The following RCAN3 variants were observed in gnomAD, a reference collection of about 807,000 sequenced individuals.
The protein encoded by RCAN3 is regulator of calcineurin 3, also known as calcipressin-3.
Under a neutral mutation model 21.9 loss-of-function variants are expected in RCAN3, and 19 were observed. The observed-to-expected ratio is 0.87, with a 90% CI of 0.61 to 1.27. The LOEUF (loss-of-function observed/expected upper bound fraction) is 1.27. Ranked by LOEUF, RCAN3 falls within the 50% of genes most tolerant of loss-of-function variation. RCAN3 has a pLI of 0.00. For synonymous variants in RCAN3, 114 were observed against 112.3 expected (o/e 1.01, Z -0.09); for missense variants, 240 against 300.1 (o/e 0.80, Z 1.48).
chr1:24,514,392 A>G lies in RCAN3; in HGVS notation c.20A>G (p.Lys7Arg), dbSNP rs143770846. Residue 7 changes from lysine (K) to arginine (R), a missense_variant, in exon 2 of 5, where the codon AAA becomes AGA. Lys to Arg is a conservative substitution (Grantham distance 26, BLOSUM62 2). Transcript: ENST00000374395. MLRDTM[K>R]SWNDSQSDLC... ...GGGATAATGCTGAGGGACACTATGA[A>G]ATCTTGGAATGATAGCCAGTCAGAT... The G allele has an allele frequency of 1.8e-3, 2,868 of 1,613,714 alleles. 18 individuals are homozygous for G. The highest frequency in any genetic ancestry group is 0.014 in the East Asian group (632 of 44,846).
chr1:24,531,663 G>A (rs992730512), intron 3 of RCAN3, among the ~76,000 whole-genome samples: 14 of 152,148 alleles, frequency 9.2e-5, no homozygotes, highest in African/African-American at 2.9e-4. Context: ...GACTCTGCGT[G>A]GGTTACGCCC....
In RCAN3 at chr1:24,538,726, A is replaced by G. The variant is rs1182061200; in HGVS notation, c.*3449A>G. The G allele has an allele frequency of 6.6e-6, 1 of 152,004 alleles. No homozygotes were observed. Among genetic ancestry groups the G allele is most frequent in the Non-Finnish European group, 1.5e-5 (1 of 67,992 alleles). 9.4% of individuals were successfully genotyped at this position (152,004 alleles called of 1,614,324 possible). ...CACTGCGCCCGGCCTTAAATAAAATATTGTAGTCATTAATGGTGTGTTTGA... is the reference window on the plus strand; with the variant it reads ...CACTGCGCCCGGCCTTAAATAAAATGTTGTAGTCATTAATGGTGTGTTTGA... On this transcript the variant is annotated 3_prime_UTR_variant, in exon 5 of 5. Coordinates refer to ENST00000374395, the MANE Select transcript of RCAN3 (RefSeq NM_013441.4).
chr1:24,529,921 C>G (rs1023433565), intron 2 of RCAN3, among the ~76,000 whole-genome samples: 3 of 150,800 alleles, frequency 2.0e-5, no homozygotes, highest in African/African-American at 7.3e-5. Context: ...GCACGTGCCT[C>G]TACTCCCAGC....
chr1:24,533,684 C>T (rs191697387), intron 4 of RCAN3, among the ~76,000 whole-genome samples: 1 of 152,284 alleles, frequency 6.6e-6, no homozygotes, highest in Non-Finnish European at 1.5e-5. Context: ...CCTATAGTCC[C>T]AGCTACTTGG....
At position 24,537,325 on chromosome 1, in the gene RCAN3, C is replaced by T. The variant is rs890504288; in HGVS notation, c.*2048C>T. On this transcript the variant is annotated 3_prime_UTR_variant, in exon 5 of 5. Transcript: ENST00000374395. ...GAAAACTTTAAACCAAAATTAGAGACGAGTCATTTAAGCTTTTCTGAATGG... is the reference window on the plus strand; with the variant it reads ...GAAAACTTTAAACCAAAATTAGAGATGAGTCATTTAAGCTTTTCTGAATGG... The T allele has an allele frequency of 1.8e-4, 27 of 151,616 alleles. No homozygotes were observed. The highest frequency in any genetic ancestry group is 3.2e-4 in the Non-Finnish European group (22 of 67,950). 9.4% of individuals were successfully genotyped at this position (151,616 alleles called of 1,614,324 possible). A position where few individuals can be genotyped will look rare whatever the true frequency, so the allele number is the denominator to read the frequency against.
At chr1:24,528,929 T>C (rs892275058) in intron 2 of RCAN3, among the ~76,000 whole-genome samples, 9 of 152,188 alleles carry the variant, frequency 5.9e-5, no homozygotes, top group African/African-American at 2.2e-4. Flanking sequence ...TGAAATTTGA[T>C]GACACTGAAC....
At chr1:24,521,904 G>C (rs1648850065) in intron 2 of RCAN3, among the ~76,000 whole-genome samples, 2 of 108,672 alleles carry the variant, frequency 1.8e-5, no homozygotes, top group Admixed American at 8.2e-5. Context: ...ATTGGTTGCT[G>C]GGGGGGGTGG....
intron 2 of RCAN3, among the ~76,000 whole-genome samples, chr1:24,520,284 G>T (rs1440675301): frequency 2.0e-5 from 3 of 152,124 alleles, no homozygotes; most frequent in Non-Finnish European, 4.4e-5. Context: ...TAGCTTTGAG[G>T]CTCAATTAAA....
intron 1 of RCAN3, among the ~76,000 whole-genome samples, chr1:24,504,522 G>T (rs962272210): frequency 2.0e-5 from 3 of 152,196 alleles, no homozygotes; most frequent in African/African-American, 7.2e-5. Flanking sequence ...TAGGAAACAA[G>T]ATTTTTCCTG....
chr1:24,509,391 C>A (rs577847264), intron 1 of RCAN3, among the ~76,000 whole-genome samples: 1 of 152,314 alleles, frequency 6.6e-6, no homozygotes, highest in African/African-American at 2.4e-5. Context: ...TGCAGCCAAT[C>A]CTCTAAACCC....
chr1:24,516,554 A>ATC (rs1648336425), intron 2 of RCAN3, among the ~76,000 whole-genome samples: 1 of 152,142 alleles, frequency 6.6e-6, no homozygotes, highest in African/African-American at 2.4e-5. Flanking sequence ...CATAGCTGAT[A>ATC]TTTGGCCAGA....
intron 2 of RCAN3, among the ~76,000 whole-genome samples, chr1:24,524,443 A>T: frequency 6.6e-6 from 1 of 152,232 alleles, no homozygotes; most frequent in East Asian, 1.9e-4. Context: ...CCCCTCTAGC[A>T]CTTTTGACTG....
intron 2 of RCAN3, among the ~76,000 whole-genome samples, chr1:24,516,130 G>A (rs756011869): frequency 1.3e-5 from 2 of 151,738 alleles, no homozygotes; most frequent in Non-Finnish European, 2.9e-5. Context: ...GCAACAGAGC[G>A]AGACTCAGTC....
rs564518700 is a variant in RCAN3, at chr1:24,539,412, A to G, written c.*4135A>G. The G allele has an allele frequency of 6.6e-6, 1 of 152,320 alleles. No individual in the cohort carries two copies. Among genetic ancestry groups the G allele is most frequent in the African/African-American group, 2.4e-5 (1 of 41,566 alleles). 9.4% of individuals were successfully genotyped at this position (152,320 alleles called of 1,614,324 possible). A position where few individuals can be genotyped will look rare whatever the true frequency, so the allele number is the denominator to read the frequency against. On this transcript the variant is annotated 3_prime_UTR_variant, in exon 5 of 5. Coordinates refer to ENST00000374395, the MANE Select transcript of RCAN3 (RefSeq NM_013441.4). ...CATTGGGGCTGGAATCTGCCTAAAT[A>G]ATTTTATCTTGGTAGCCAGCAATTA... is the stretch of plus-strand genomic sequence containing the variant.
chr1:24,506,157 A>G (rs1157820220), intron 1 of RCAN3, among the ~76,000 whole-genome samples: 2 of 152,118 alleles, frequency 1.3e-5, no homozygotes, highest in Non-Finnish European at 2.9e-5. Flanking sequence ...GCCAGTCAAG[A>G]GTTCCCTGGA....
At chr1:24,511,314 GAAACAAAACA>G (rs993834476) in intron 1 of RCAN3, among the ~76,000 whole-genome samples, 1 of 152,016 alleles carries the variant, frequency 6.6e-6, no homozygotes, top group South Asian at 2.1e-4. Context: ...CTCCGTCTCA[GAAACAAAACA>G]AAACAAAACA....
chr1:24,509,041 G>A (rs2148892183), intron 1 of RCAN3, among the ~76,000 whole-genome samples: 1 of 152,224 alleles, frequency 6.6e-6, no homozygotes, highest in East Asian at 1.9e-4. Flanking sequence ...TGTGCTTGTA[G>A]TTCCAGCTAC....
intron 1 of RCAN3, among the ~76,000 whole-genome samples, chr1:24,513,713 A>G (rs1384273960): frequency 2.6e-5 from 4 of 152,130 alleles, no homozygotes; most frequent in Non-Finnish European, 5.9e-5. Context: ...CCTCTTTTTG[A>G]TTTTCTGTGT....
In RCAN3 at chr1:24,517,947, A is replaced by G. The variant is rs562713377; in HGVS notation, c.195+3380A>G. On this transcript the variant is annotated intron_variant, in intron 2 of 4. Transcript: ENST00000374395. Reference sequence around the variant, plus strand: ...AATCAGCTGTTTATTCAGGTTATCTATGAATGTGCAAAAAATAAAACAGTT... The same window carrying G: ...AATCAGCTGTTTATTCAGGTTATCTGTGAATGTGCAAAAAATAAAACAGTT... Among the ~76,000 whole-genome samples, 141 of 152,336 alleles carry G rather than the reference A, an allele frequency of 9.3e-4. 1 individual carries two copies. Among genetic ancestry groups the G allele is most frequent in the Middle Eastern group, 6.8e-3 (2 of 294 alleles).
Sources: allele counts gnomAD v4.1 joint callset (sites outside exome capture counted in the v4.1 genomes callset), GRCh38; gene constraint gnomAD v4.1.1; transcripts MANE v1.5; gene names NCBI Gene and HGNC (gene_info 2026-07-23, HGNC 2026-07-21).